Variants in DDX60 observed in about 807,000 individuals in gnomAD.
The protein encoded by DDX60 is probable ATP-dependent RNA helicase DDX60.
Under a neutral mutation model 212.8 loss-of-function variants are expected in DDX60, and 165 were observed. The ratio of observed to expected loss-of-function variants is 0.78; its 90% CI spans 0.68 to 0.88. DDX60 has a LOEUF of 0.88. Ranked by LOEUF, DDX60 falls within the 40% of genes least tolerant of loss-of-function variation. The probability of loss-of-function intolerance (pLI) is 0.00; values close to 1 mark genes in which losing one functional copy is unlikely to be tolerated. For missense variants in DDX60, 1,905 were observed against 2,003.9 expected (o/e 0.95, Z 0.94); for synonymous variants, 703 against 685.3 (o/e 1.03, Z -0.40).
intron 30 of DDX60, among the ~76,000 whole-genome samples, chr4:168,238,195 C>A (rs909991908): frequency 8.0e-6 from 1 of 124,758 alleles, no homozygotes; most frequent in Admixed American, 9.5e-5. Flanking sequence ...CATTAAAGTA[C>A]ATGTATCTTT....
intron 3 of DDX60, among the ~76,000 whole-genome samples, chr4:168,308,410 G>A (rs543751600): frequency 1.2e-3 from 179 of 152,170 alleles, no homozygotes; most frequent in African/African-American, 4.0e-3. Flanking sequence ...TAGGCTCAGA[G>A]AGCAAAGTAT....
chr4:168,239,469 GTAGA>G (rs1206080417), intron 30 of DDX60, among the ~76,000 whole-genome samples: 1 of 152,088 alleles, frequency 6.6e-6, no homozygotes, highest in Non-Finnish European at 1.5e-5. Context: ...ATAGATCAAT[GTAGA>G]TAGATACATA....
At chr4:168,282,107 T>C (rs74878393) in intron 13 of DDX60, among the ~76,000 whole-genome samples, 2,591 of 152,246 alleles carry the variant, frequency 0.017, 123 homozygotes, top group East Asian at 0.14. Flanking sequence ...TACAATTGGC[T>C]ATAAAAATGA....
chr4:168,282,335 A>G (rs74714308), intron 13 of DDX60, among the ~76,000 whole-genome samples: 1 of 152,186 alleles, frequency 6.6e-6, no homozygotes, highest in Non-Finnish European at 1.5e-5. Context: ...AAGTCCTTGA[A>G]CTGATGAACT....
In DDX60 at chr4:168,294,613, G is replaced by C. The variant is rs182920570; in HGVS notation, c.724-668C>G. 7.5e-3 allele frequency among the ~76,000 whole-genome samples: 1,143 copies of C among 152,080 alleles called. 9 individuals carry two copies. Among genetic ancestry groups the C allele is most frequent in the Non-Finnish European group, 0.011 (743 of 67,986 alleles). On this transcript the variant is annotated intron_variant, in intron 6 of 37. Coordinates refer to ENST00000393743, the MANE Select transcript of DDX60 (RefSeq NM_017631.6). ...CCTCCCAGGCTCAAGCGATTCTCTT[G>C]CCTCAGCCTCCCAAGTAGCTAGGAT...
intron 6 of DDX60, among the ~76,000 whole-genome samples, chr4:168,296,138 A>G (rs1461402547): frequency 6.6e-6 from 1 of 152,176 alleles, no homozygotes. Flanking sequence ...AAGTGCATAA[A>G]TTTCAAATGT....
In DDX60 at chr4:168,284,898, C is replaced by A; in HGVS notation, c.1483G>T (p.Glu495Ter). The A allele has an allele frequency of 6.3e-7, 1 of 1,597,148 alleles. No homozygotes were observed. Among genetic ancestry groups the A allele is most frequent in the Non-Finnish European group, 8.5e-7 (1 of 1,169,640 alleles). Residue 495 changes from glutamate (E) to a stop codon, truncating the protein, a stop_gained, in exon 12 of 38, where the codon GAA (glutamate) becomes TAA (stop). Transcript: ENST00000393743. LOFTEE classifies it high-confidence loss of function. ...TGCCAGTGCACAAGTTCATCAAATT[C>A]CTTTTGTTTAACCAGTGAAGTAACA... ...PIVTSLVKQK[E>*]FDELVHWHSH...
intron 18 of DDX60, among the ~76,000 whole-genome samples, chr4:168,272,497 T>A (rs1735146435): frequency 6.6e-6 from 1 of 152,168 alleles, no homozygotes; most frequent in Non-Finnish European, 1.5e-5. Context: ...AATCAGCTAG[T>A]GTGAAAAGAG....
chr4:168,311,832 T>C (rs977519996), intron 1 of DDX60, among the ~76,000 whole-genome samples: 3 of 152,184 alleles, frequency 2.0e-5, no homozygotes, highest in African/African-American at 7.2e-5. Context: ...AGTCATGTTA[T>C]AGAATTTTCT....
intron 18 of DDX60, among the ~76,000 whole-genome samples, chr4:168,273,077 A>G (rs1013446179): frequency 9.2e-5 from 14 of 152,224 alleles, no homozygotes; most frequent in Admixed American, 2.0e-4. Context: ...TCCAAAGGTC[A>G]GTGTCCTTAG....
chr4:168,264,577 C>G (rs74718763), intron 22 of DDX60, among the ~76,000 whole-genome samples: 10 of 152,096 alleles, frequency 6.6e-5, no homozygotes, highest in Admixed American at 6.5e-4. Context: ...TCTTAAGTCT[C>G]TTAGCCTTTT....
intron 5 of DDX60, among the ~76,000 whole-genome samples, chr4:168,306,024 T>C (rs759344402): frequency 5.9e-5 from 9 of 152,200 alleles, no homozygotes; most frequent in Non-Finnish European, 1.3e-4. Context: ...TCCAACTGTG[T>C]CTTTTCAAAT....
chr4:168,246,340 C>A (rs1734021088), intron 30 of DDX60, 78 bp downstream of exon 30: 1 of 1,553,030 alleles, frequency 6.4e-7, no homozygotes, highest in Non-Finnish European at 8.8e-7. Context: ...TTGCTACAGA[C>A]TTCTAAAAGA....
chr4:168,309,765 G>C (rs1412380369), intron 3 of DDX60, among the ~76,000 whole-genome samples: 2 of 152,148 alleles, frequency 1.3e-5, no homozygotes, highest in Non-Finnish European at 2.9e-5. Context: ...GAAAATCATT[G>C]AGGGGAAAGA....
chr4:168,307,973 A>G (rs886285315), intron 4 of DDX60, 33 bp downstream of exon 4: 2 of 1,388,518 alleles, frequency 1.4e-6, no homozygotes, highest in Admixed American at 2.7e-5. Context: ...TTTAGTTCTC[A>G]TATTATAAAA....
At position 168,252,597 on chromosome 4, in the gene DDX60, T is replaced by C; in HGVS notation, c.3617A>G (p.Glu1206Gly). The C allele has an allele frequency of 6.2e-7, 1 of 1,613,858 alleles. No individual in the cohort carries two copies. The highest frequency in any genetic ancestry group is 1.3e-5 in the African/African-American group (1 of 75,046). ...TAGACACTTCACTAGATTATCATGTTCAGCTTCATGTATTAGGCTTTGATC... is the reference window on the plus strand; with the variant it reads ...TAGACACTTCACTAGATTATCATGTCCAGCTTCATGTATTAGGCTTTGATC... ...NVDQSLIHEA[E>G]HDNLVKCLEK... The change falls in exon 27 of 38, where the codon GAA (glutamate) becomes GGA (glycine). Residue 1206 changes from glutamate to glycine, a missense_variant. Transcript: ENST00000393743.
chr4:168,227,646 A>T (rs770105481), intron 33 of DDX60, among the ~76,000 whole-genome samples: 1 of 151,790 alleles, frequency 6.6e-6, no homozygotes, highest in Non-Finnish European at 1.5e-5. Flanking sequence ...CTTAAGCTAA[A>T]GTTTAATTCA....
chr4:168,317,724 T>TC (rs1737460430), intron 1 of DDX60, among the ~76,000 whole-genome samples: 1 of 152,090 alleles, frequency 6.6e-6, no homozygotes, highest in Non-Finnish European at 1.5e-5. Context: ...CTCGGGAGAT[T>TC]CCCCCAAAGA....
chr4:168,244,425 G>A (rs746475015), intron 30 of DDX60, among the ~76,000 whole-genome samples: 100 of 152,194 alleles, frequency 6.6e-4, no homozygotes, highest in Non-Finnish European at 5.7e-4. Flanking sequence ...GTGATGGATG[G>A]AGTAGTAAAG....
Sources: allele counts gnomAD v4.1 joint callset (sites outside exome capture counted in the v4.1 genomes callset), GRCh38; gene constraint gnomAD v4.1.1; transcripts MANE v1.5; gene names NCBI Gene and HGNC (gene_info 2026-07-23, HGNC 2026-07-21).